Variants in UNC5B observed in about 807,000 individuals in gnomAD.
UNC5B encodes netrin receptor UNC5B.
A neutral mutation model predicts 103.7 loss-of-function variants in UNC5B; 56 were observed. The ratio of observed to expected loss-of-function variants is 0.54; its 90% CI spans 0.44 to 0.67. UNC5B has a LOEUF of 0.67. Ranked by LOEUF, UNC5B falls within the 30% of genes least tolerant of loss-of-function variation. UNC5B has a pLI of 0.00. For synonymous variants in UNC5B, 577 were observed against 542.0 expected (o/e 1.06, Z -0.90); for missense variants, 1,194 against 1,284.5 (o/e 0.93, Z 1.08).
At position 71,213,764 on chromosome 10, in the gene UNC5B, G is replaced by T. The variant is rs886366021; in HGVS notation, c.79+700G>T. On this transcript the variant is annotated intron_variant, in intron 1 of 16. Transcript: ENST00000335350. The surrounding 1 kb of genome is among the most constrained non-coding windows in gnomAD (Gnocchi z 4.1). The stretch of plus-strand genomic sequence containing the variant: ...GTGTGTGTGTGTGTGTGTGTGTGTT[G>T]GATGCGGGTAGGGGTTCTTAGCGAT... Among the ~76,000 whole-genome samples the T allele has an allele frequency of 1.1e-5, 1 of 94,764 alleles. No individual in the cohort carries two copies. Among genetic ancestry groups the T allele is most frequent in the African/African-American group, 4.4e-5 (1 of 22,774 alleles). The allele number at this position is 94,764 out of a possible 152,430, so 62.2% of individuals were successfully genotyped here.
intron 1 of UNC5B, among the ~76,000 whole-genome samples, chr10:71,215,820 T>C (rs1843318506): frequency 6.9e-6 from 1 of 144,504 alleles, no homozygotes; most frequent in Non-Finnish European, 1.5e-5. Context: ...TGTGTGTGTG[T>C]GTGTGTGTGT....
chr10:71,292,436 G>A, intron 10 of UNC5B, 31 bp from the exon 11 acceptor site: 1 of 1,552,300 alleles, frequency 6.4e-7, no homozygotes, highest in Non-Finnish European at 8.8e-7. Flanking sequence ...CTAAGCTCCT[G>A]GACTCCCTGC....
intron 1 of UNC5B, among the ~76,000 whole-genome samples, chr10:71,237,948 G>A (rs1843809419): frequency 6.6e-6 from 1 of 152,198 alleles, no homozygotes; most frequent in African/African-American, 2.4e-5. Flanking sequence ...CTCCTGTCAG[G>A]CAGGTAATTG....
Position 71,291,531 on chromosome 10 carries a change from A to C in UNC5B, c.1394A>C (p.Lys465Thr). 6.2e-7 allele frequency: 1 copy of C among 1,614,000 alleles called. No individual in the cohort carries two copies. The highest frequency in any genetic ancestry group is 1.3e-5 in the African/African-American group (1 of 74,996). Residue 465 changes from lysine to threonine, a missense_variant, in exon 10 of 17, where the codon AAA becomes ACA. By Grantham distance (78) the Lys-to-Thr change is moderately conservative. Transcript: ENST00000335350. ...PVYALQDSTD[K>T]IPMTNSPLLD... ...TATGCCCTGCAGGACTCCACCGACA[A>C]AATCCCCATGACCAACTCTCCTCTG...
chr10:71,290,989 A>C lies in UNC5B; in HGVS notation c.1174A>C (p.Met392Leu). ...CATCTTCGTGGTCGTGGCAATCCTCATGGCGGTGGGGGTGGTGGTGTACCG... is the reference window on the plus strand; with the variant it reads ...CATCTTCGTGGTCGTGGCAATCCTCCTGGCGGTGGGGGTGGTGGTGTACCG... ...VAIFVVVAIL[M>L]AVGVVVYRRN... is the part of the protein sequence containing the mutation. Residue 392 changes from methionine (M) to leucine (L), a missense_variant, in exon 9 of 17, where the codon ATG becomes CTG. Coordinates refer to ENST00000335350, the MANE Select transcript of UNC5B (RefSeq NM_170744.5). The C allele has an allele frequency of 6.2e-7, 1 of 1,614,054 alleles. No homozygotes were observed. The highest frequency in any genetic ancestry group is 8.5e-7 in the Non-Finnish European group (1 of 1,180,000).
intron 1 of UNC5B, among the ~76,000 whole-genome samples, chr10:71,248,444 T>A (rs752779012): frequency 6.6e-6 from 1 of 152,196 alleles, no homozygotes; most frequent in Non-Finnish European, 1.5e-5. Flanking sequence ...TTCCCCTGAG[T>A]TGGCACTTTT....
intron 1 of UNC5B, among the ~76,000 whole-genome samples, chr10:71,257,346 G>A (rs186288229): frequency 6.6e-6 from 1 of 152,252 alleles, no homozygotes; most frequent in African/African-American, 2.4e-5. Flanking sequence ...GGGAAGTTCA[G>A]GTTGAGAGAA....
intron 6 of UNC5B, 65 bp from the exon 7 acceptor site, chr10:71,288,503 G>C (rs989027632): frequency 2.6e-6 from 4 of 1,565,904 alleles, no homozygotes; most frequent in African/African-American, 1.4e-5. Context: ...GCTCTGTTCT[G>C]CACACATAAC....
chr10:71,273,721 G>T (rs567214271), intron 1 of UNC5B, among the ~76,000 whole-genome samples: 7 of 152,178 alleles, frequency 4.6e-5, no homozygotes, highest in Non-Finnish European at 1.0e-4. Flanking sequence ...CTAGACGGGC[G>T]CCCTGTTGCC....
chr10:71,231,351 C>T (rs886433477), intron 1 of UNC5B, among the ~76,000 whole-genome samples: 2 of 152,330 alleles, frequency 1.3e-5, no homozygotes, highest in South Asian at 2.1e-4. Flanking sequence ...GGAGTGCTCT[C>T]GCACTGAGCT....
intron 3 of UNC5B, among the ~76,000 whole-genome samples, chr10:71,285,088 T>TC (rs1845036210): frequency 2.0e-5 from 3 of 152,082 alleles, no homozygotes; most frequent in Admixed American, 2.0e-4. Context: ...GGCAGCTTCC[T>TC]CCCCCATCCT....
intron 1 of UNC5B, among the ~76,000 whole-genome samples, chr10:71,243,430 C>T (rs1446218038): frequency 6.6e-6 from 1 of 152,148 alleles, no homozygotes; most frequent in Non-Finnish European, 1.5e-5. Context: ...CCACTAGCCA[C>T]ACGTGGCTAT....
intron 3 of UNC5B, 71 bp downstream of exon 3, chr10:71,284,934 C>G: frequency 6.6e-7 from 1 of 1,521,164 alleles, no homozygotes; most frequent in Non-Finnish European, 8.8e-7. Context: ...GGAGAGGGAA[C>G]TTCACATCTG....
intron 1 of UNC5B, among the ~76,000 whole-genome samples, chr10:71,225,788 G>A (rs1362559413): frequency 6.6e-6 from 1 of 152,116 alleles, no homozygotes; most frequent in African/African-American, 2.4e-5. Context: ...TGCCAAGGCA[G>A]AGAGAAGCTC....
chr10:71,292,714 C>T (rs182975734), intron 11 of UNC5B, among the ~76,000 whole-genome samples, 160 bp downstream of exon 11: 1 of 152,160 alleles, frequency 6.6e-6, no homozygotes, highest in African/African-American at 2.4e-5. Flanking sequence ...GAACCAACAC[C>T]GTAAATTGTA....
At chr10:71,224,670 A>G (rs1843525500) in intron 1 of UNC5B, among the ~76,000 whole-genome samples, 2 of 152,066 alleles carry the variant, frequency 1.3e-5, no homozygotes, top group Admixed American at 1.3e-4. Context: ...TCTCCTCACT[A>G]TAAACTGGGC....
At chr10:71,275,874 C>T (rs1331211082) in intron 1 of UNC5B, among the ~76,000 whole-genome samples, 1 of 151,804 alleles carries the variant, frequency 6.6e-6, no homozygotes, top group Admixed American at 6.6e-5. Context: ...AGCATCATAT[C>T]ACTCTGTTTT....
intron 1 of UNC5B, among the ~76,000 whole-genome samples, chr10:71,279,573 A>G (rs1844862905): frequency 6.6e-6 from 1 of 152,328 alleles, no homozygotes; most frequent in Non-Finnish European, 1.5e-5. Context: ...ACAGTCACAC[A>G]GCATTGCAGA....
chr10:71,239,439 C>T (rs1214617354), intron 1 of UNC5B, among the ~76,000 whole-genome samples: 2 of 152,066 alleles, frequency 1.3e-5, no homozygotes, highest in African/African-American at 4.8e-5. Flanking sequence ...TGAGGGTCGC[C>T]CGTCCTGACT....
Sources: allele counts gnomAD v4.1 joint callset (sites outside exome capture counted in the v4.1 genomes callset), GRCh38; gene constraint gnomAD v4.1.1; non-coding constraint Gnocchi (gnomAD v3.1); transcripts MANE v1.5; gene names NCBI Gene and HGNC (gene_info 2026-07-23, HGNC 2026-07-21).